The following CDK8 variants were observed in gnomAD, a reference collection of about 807,000 sequenced individuals.
The protein encoded by CDK8 is cyclin dependent kinase 8.
In CDK8, 29 loss-of-function variants were observed where a neutral mutation model predicts 71.5. The observed-to-expected ratio is 0.41, with a 90% CI of 0.30 to 0.55. The LOEUF is 0.55. Among genes scored for constraint, CDK8 ranks in the 20% least tolerant of loss-of-function variants. The pLI is 0.37. For missense variants in CDK8, 288 were observed against 572.6 expected (o/e 0.50, Z 5.07); for synonymous variants, 161 against 192.1 (o/e 0.84, Z 1.34).
chr13:26,330,634 T>G (rs1033479899), intron 1 of CDK8, among the ~76,000 whole-genome samples: 94 of 55,102 alleles, frequency 1.7e-3, no homozygotes, highest in Non-Finnish European at 4.4e-3. Flanking sequence ...CGTGTTCACA[T>G]TTTTTTTTTT....
chr13:26,352,544 C>T (rs1249012671), intron 3 of CDK8, among the ~76,000 whole-genome samples: 1 of 152,096 alleles, frequency 6.6e-6, no homozygotes, highest in African/African-American at 2.4e-5. Flanking sequence ...GGAGAACAGA[C>T]TTGATTGTCA....
chr13:26,310,788 T>C (rs1416570063), intron 1 of CDK8, among the ~76,000 whole-genome samples: 1 of 152,296 alleles, frequency 6.6e-6, no homozygotes, highest in Non-Finnish European at 1.5e-5. Context: ...CTCTACATTG[T>C]ATTTCCCTCA....
At chr13:26,290,064 A>C (rs149948676) in intron 1 of CDK8, among the ~76,000 whole-genome samples, 176 of 152,346 alleles carry the variant, frequency 1.2e-3, no homozygotes, top group African/African-American at 4.0e-3. Context: ...TATAGGTAGT[A>C]GTCCAAATGT....
At chr13:26,274,453 A>G (rs1318436526) in intron 1 of CDK8, among the ~76,000 whole-genome samples, 2 of 146,090 alleles carry the variant, frequency 1.4e-5, no homozygotes, top group East Asian at 2.0e-4. Context: ...TTTTTTTGAG[A>G]TGGAGTCTTG....
At chr13:26,307,065 G>A (rs1488837535) in intron 1 of CDK8, among the ~76,000 whole-genome samples, 2 of 152,114 alleles carry the variant, frequency 1.3e-5, no homozygotes, top group Non-Finnish European at 2.9e-5. Context: ...AGAACATAAT[G>A]AGCACCTTTA....
At chr13:26,305,467 G>A (rs1465211455) in intron 1 of CDK8, among the ~76,000 whole-genome samples, 5 of 152,110 alleles carry the variant, frequency 3.3e-5, no homozygotes, top group African/African-American at 7.2e-5. Flanking sequence ...TAATGCTTCT[G>A]AATCTGTAAT....
intron 1 of CDK8, among the ~76,000 whole-genome samples, chr13:26,273,168 C>T (rs536102938): frequency 6.6e-6 from 1 of 152,208 alleles, no homozygotes; most frequent in East Asian, 1.9e-4. Context: ...TTGTCCCAGC[C>T]TCTGAATTGT....
At position 26,254,304 on chromosome 13, in the gene CDK8, G is replaced by T. The variant is rs1207515383; in HGVS notation, c.-338G>T. 3.5e-6 allele frequency: 1 copy of T among 283,718 alleles called. No homozygotes were observed. The highest frequency in any genetic ancestry group is 6.7e-6 in the Non-Finnish European group (1 of 148,876). 17.6% of individuals were successfully genotyped at this position (283,718 alleles called of 1,614,324 possible). ...CGCCGCAGCAGGAGCAGAACGCGCG[G>T]CCGGAGAGAGCGGCGGAGCCGGCGC... On this transcript the variant is annotated 5_prime_UTR_variant, in exon 1 of 13. Transcript: ENST00000381527. The surrounding 1 kb of genome is among the most constrained non-coding windows in gnomAD (Gnocchi z 6.7).
intron 1 of CDK8, among the ~76,000 whole-genome samples, chr13:26,312,067 A>C (rs1161346025): frequency 6.6e-6 from 1 of 152,112 alleles, no homozygotes; most frequent in East Asian, 1.9e-4. Flanking sequence ...GACTTGGAGA[A>C]CTTTTCTGTC....
chr13:26,371,257 T>C (rs1466260052), intron 4 of CDK8, among the ~76,000 whole-genome samples: 1 of 152,200 alleles, frequency 6.6e-6, no homozygotes, highest in East Asian at 1.9e-4. Flanking sequence ...AAGTCACATT[T>C]AGTCTGTCTG....
At chr13:26,345,786 G>C (rs996958667) in intron 2 of CDK8, among the ~76,000 whole-genome samples, 1 of 152,214 alleles carries the variant, frequency 6.6e-6, no homozygotes, top group Non-Finnish European at 1.5e-5. Flanking sequence ...AGTAGGTTGT[G>C]TGTCCTTCTT....
chr13:26,291,378 A>C (rs1873291299), intron 1 of CDK8, among the ~76,000 whole-genome samples: 1 of 152,198 alleles, frequency 6.6e-6, no homozygotes, highest in Non-Finnish European at 1.5e-5. Context: ...ACATAGATGT[A>C]TGTATATACA....
rs529864470 is a variant in CDK8 at position 26,283,491 on chromosome 13, C to G, written c.128+28722C>G. ...GGCGTGGTGGCACGTGCCTGTAGTC[C>G]CAGCTACTCTGGAGACTGAGGGAGG... On this transcript the variant is annotated intron_variant, in intron 1 of 12. Coordinates refer to ENST00000381527, the MANE Select transcript of CDK8 (RefSeq NM_001260.3). Among the ~76,000 whole-genome samples the G allele has an allele frequency of 2.5e-4, 38 of 152,134 alleles. No individual in the cohort carries two copies. In the East Asian group the frequency reaches 6.8e-3, roughly 27 times the overall value.
chr13:26,268,164 T>A (rs187926745), intron 1 of CDK8, among the ~76,000 whole-genome samples: 3 of 152,114 alleles, frequency 2.0e-5, no homozygotes, highest in African/African-American at 7.2e-5. Context: ...GGAGTAAATA[T>A]AGTAATGACA....
chr13:26,323,455 G>A (rs1411050232), intron 1 of CDK8, among the ~76,000 whole-genome samples: 1 of 151,874 alleles, frequency 6.6e-6, no homozygotes, highest in Non-Finnish European at 1.5e-5. Context: ...TGAACTCATC[G>A]AAACCTAATT....
chr13:26,271,495 TA>T (rs1872317858), intron 1 of CDK8, among the ~76,000 whole-genome samples: 1 of 152,076 alleles, frequency 6.6e-6, no homozygotes, highest in Non-Finnish European at 1.5e-5. Context: ...AAAGGTATAG[TA>T]AAAATATGGC....
intron 1 of CDK8, among the ~76,000 whole-genome samples, chr13:26,323,948 C>T (rs1874909667): frequency 6.6e-6 from 1 of 152,100 alleles, no homozygotes; most frequent in Non-Finnish European, 1.5e-5. Context: ...ACATGCTGTA[C>T]TTAATCACTA....
chr13:26,373,586 G>T (rs1461049082), intron 4 of CDK8, among the ~76,000 whole-genome samples: 8 of 152,092 alleles, frequency 5.3e-5, no homozygotes, highest in African/African-American at 1.4e-4. Flanking sequence ...AACAACTAGA[G>T]AATAGTTTCA....
intron 8 of CDK8, among the ~76,000 whole-genome samples, chr13:26,396,683 A>G (rs1378089696): frequency 6.6e-6 from 1 of 152,122 alleles, no homozygotes; most frequent in East Asian, 1.9e-4. Flanking sequence ...AAACTTTGGT[A>G]ATAGCCACTT....
Sources: allele counts gnomAD v4.1 joint callset (sites outside exome capture counted in the v4.1 genomes callset), GRCh38; gene constraint gnomAD v4.1.1; non-coding constraint Gnocchi (gnomAD v3.1); transcripts MANE v1.5; gene names NCBI Gene and HGNC (gene_info 2026-07-23, HGNC 2026-07-21).